The following PP2D1 variants were observed in gnomAD, a reference collection of about 807,000 sequenced individuals.
PP2D1 encodes the protein protein phosphatase 2C like domain containing 1, also known as protein phosphatase 2C-like domain-containing protein 1.
A neutral mutation model predicts 30.2 loss-of-function variants in PP2D1; 25 were observed. That is an observed-to-expected ratio of 0.83 (90% CI 0.60 to 1.16). The LOEUF is 1.16. Ranked by LOEUF, PP2D1 falls within the 50% of genes most tolerant of loss-of-function variation. The pLI is 0.00. For missense variants in PP2D1, 760 were observed against 742.4 expected, an observed-to-expected ratio of 1.02 and a Z score of -0.28; for synonymous variants, 260 against 258.9, an observed-to-expected ratio of 1.00 and a Z score of -0.04.
rs1025588833 is a variant in PP2D1, at chr3:19,985,667, C to T, written c.1606G>A (p.Asp536Asn). The change falls in exon 3 of 3, where the codon GAT becomes AAT. Residue 536 changes from aspartate to asparagine, a missense_variant. Transcript: ENST00000389050. ...ATACAGTATTTAGAATAGTTTGAAT[C>T]GGATAAATTTTCTTTGGAATTTGTA... ...STTNSKENLS[D>N]SNYSKYCIYN... The T allele has an allele frequency of 7.8e-6, 12 of 1,535,584 alleles. No individual in the cohort carries two copies. Among genetic ancestry groups the T allele is most frequent in the East Asian group, 7.3e-5 (3 of 40,910 alleles).
downstream of PP2D1, among the ~76,000 whole-genome samples, chr3:19,983,165 C>T (rs1370160095): frequency 6.6e-6 from 1 of 151,728 alleles, no homozygotes; most frequent in Admixed American, 6.6e-5. Context: ...GGTGAAACCC[C>T]GTCTCTACTA....
chr3:19,983,873 T>C, downstream of PP2D1: 1 of 1,281,678 alleles, frequency 7.8e-7, no homozygotes, highest in Non-Finnish European at 1.1e-6. Flanking sequence ...TAAATGTTAA[T>C]AACAATGGAA....
intron 2 of PP2D1, among the ~76,000 whole-genome samples, chr3:19,991,910 G>A (rs1035627503): frequency 2.3e-4 from 35 of 152,076 alleles, no homozygotes; most frequent in African/African-American, 8.2e-4. Context: ...AGTAGGCAGT[G>A]GTAACTTGGA....
At chr3:19,988,385 C>T (rs1054600590) in intron 2 of PP2D1, among the ~76,000 whole-genome samples, 11 of 152,184 alleles carry the variant, frequency 7.2e-5, no homozygotes, top group Non-Finnish European at 1.6e-4. Flanking sequence ...CCCCAGTCTC[C>T]TGTAGCACCC....
intron 1 of PP2D1, among the ~76,000 whole-genome samples, chr3:20,003,543 G>A (rs1469444233): frequency 1.3e-5 from 2 of 151,968 alleles, no homozygotes; most frequent in Non-Finnish European, 2.9e-5. Context: ...AGGAGTTCGA[G>A]ACCAGCCTGG....
chr3:20,001,168 T>C lies in PP2D1; in HGVS notation c.952A>G (p.Ile318Val), dbSNP rs531908350. The C allele has an allele frequency of 6.7e-7, 1 of 1,491,182 alleles. No individual in the cohort carries two copies. The highest frequency in any genetic ancestry group is 8.9e-7 in the Non-Finnish European group (1 of 1,126,470). The allele number at this position is 1,491,182 out of a possible 1,614,324, so 92.4% of individuals were successfully genotyped here. Reference sequence around the variant, plus strand: ...GGACTTTTAGGTTTGCCTTCCAATATACAAGTAACTGCAGAGCAGCCACTC... The same window carrying C: ...GGACTTTTAGGTTTGCCTTCCAATACACAAGTAACTGCAGAGCAGCCACTC... The part of the protein sequence containing the change: ...QWSGCSAVTC[I>V]LEGKPKSPYA... Residue 318 changes from isoleucine (I) to valine (V), a missense_variant, in exon 2 of 3, where the codon ATA (isoleucine) becomes GTA (valine). By Grantham distance (29) the Ile-to-Val change is conservative. Coordinates refer to ENST00000389050, the MANE Select transcript of PP2D1 (RefSeq NM_001252657.2).
At chr3:20,010,297 T>G (rs1476977412) in intron 1 of PP2D1, among the ~76,000 whole-genome samples, 1 of 152,084 alleles carries the variant, frequency 6.6e-6, no homozygotes, top group African/African-American at 2.4e-5. Context: ...GGTTTCACCA[T>G]GTTGGCCAGG....
In PP2D1 at chr3:19,989,393, A is replaced by T. The variant is rs1575083446; in HGVS notation, c.1091-3211T>A. 2.0e-5 allele frequency among the ~76,000 whole-genome samples: 3 copies of T among 152,324 alleles called. No individual in the cohort carries two copies. The East Asian group carries it at 5.8e-4, about 29-fold the overall frequency. On this transcript the variant is annotated intron_variant, in intron 2 of 2. Transcript: ENST00000389050. ...CAGAAACTGTTGTCTCATTTATATA[A>T]TAGGAATTTTTAATAGCTGAGCTAC...
In PP2D1 at chr3:19,985,731, C is replaced by G. The variant is rs964169765; in HGVS notation, c.1542G>C (p.Leu514Phe). 4 of 1,535,730 alleles carry G rather than the reference C, an allele frequency of 2.6e-6. No individual in the cohort carries two copies. The African/African-American group carries it at 5.5e-5, about 21-fold the overall frequency. Residue 514 changes from leucine (L) to phenylalanine (F), a missense_variant, in exon 3 of 3, where the codon TTG (leucine) becomes TTC (phenylalanine). By Grantham distance (22) the Leu-to-Phe change is conservative. Coordinates refer to ENST00000389050, the MANE Select transcript of PP2D1 (RefSeq NM_001252657.2). ...LTKSQSNIHV[L>F]FQYKSVSEVR... ...CTTCAGATACAGATTTATACTGAAA[C>G]AATACGTGGATATTACTCTGTGATT... is the stretch of plus-strand genomic sequence containing the variant.
chr3:19,980,784 C>G (rs1235739590), downstream of PP2D1, among the ~76,000 whole-genome samples: 2 of 152,134 alleles, frequency 1.3e-5, no homozygotes, highest in Non-Finnish European at 2.9e-5. Flanking sequence ...GCTATTTATG[C>G]TACCAGCCCA....
At chr3:20,000,903 A>C in intron 2 of PP2D1, 127 bp downstream of exon 2, 3 of 445,788 alleles carry the variant, frequency 6.7e-6, no homozygotes, top group Non-Finnish European at 1.1e-5. Context: ...TCTTATATTG[A>C]TCAATGCAAT....
In PP2D1 at chr3:20,001,299, G is replaced by A; in HGVS notation, c.821C>T (p.Ala274Val). Reference sequence around the variant, plus strand: ...TGTGTCCTCATACTCACACCTCACTGCTTCTGTTTTGTTTATGGCAGAAAA... The same window carrying A: ...TGTGTCCTCATACTCACACCTCACTACTTCTGTTTTGTTTATGGCAGAAAA... ...DLFSAINKTE[A>V]VRCEYEDTHK... Residue 274 changes from alanine to valine, a missense_variant, in exon 2 of 3, where the codon GCA (alanine) becomes GTA (valine). By Grantham distance (64) the Ala-to-Val change is moderately conservative. Coordinates refer to ENST00000389050, the MANE Select transcript of PP2D1 (RefSeq NM_001252657.2). 6.5e-7 allele frequency: 1 copy of A among 1,535,816 alleles called. No individual in the cohort carries two copies. The highest frequency in any genetic ancestry group is 8.7e-7 in the Non-Finnish European group (1 of 1,146,664).
Position 19,999,559 on chromosome 3 carries a change from T to C in PP2D1, c.1090+1471A>G, listed in dbSNP as rs1042140551. On this transcript the variant is annotated intron_variant, in intron 2 of 2. Coordinates refer to ENST00000389050, the MANE Select transcript of PP2D1 (RefSeq NM_001252657.2). Reference sequence around the variant, plus strand: ...ACGCCTGGCTAATTTTTTTTTTTTTTTGTATTTTTAGTAAAGACGGGGTTT... The same window carrying C: ...ACGCCTGGCTAATTTTTTTTTTTTTCTGTATTTTTAGTAAAGACGGGGTTT... Among the ~76,000 whole-genome samples the C allele has an allele frequency of 2.0e-5, 3 of 151,122 alleles. No homozygotes were observed. The East Asian group carries it at 5.8e-4, about 29-fold the overall frequency.
Position 19,985,696 on chromosome 3 carries a change from G to GAC in PP2D1, c.1575_1576dup (p.Ser526CysfsTer26). 6.5e-7 allele frequency: 1 copy of GAC among 1,535,670 alleles called. No homozygotes were observed. The highest frequency in any genetic ancestry group is 8.7e-7 in the Non-Finnish European group (1 of 1,146,548). Reference sequence around the variant, plus strand: ...TAAATTTTCTTTGGAATTTGTAGTTGACACACGTACTTCAGATACAGATTT... The same window carrying GAC: ...TAAATTTTCTTTGGAATTTGTAGTTGACACACACGTACTTCAGATACAGATTT... On this transcript the variant is annotated frameshift_variant, in exon 3 of 3. Transcript: ENST00000389050. LOFTEE classifies it low-confidence loss of function (END_TRUNC).
At chr3:20,010,818 A>G (rs1697376273) in intron 1 of PP2D1, among the ~76,000 whole-genome samples, 1 of 152,076 alleles carries the variant, frequency 6.6e-6, no homozygotes. Context: ...AAATGAATAA[A>G]TAAATAAATA....
chr3:19,989,486 T>G (rs1026746301), intron 2 of PP2D1, among the ~76,000 whole-genome samples: 1 of 152,266 alleles, frequency 6.6e-6, no homozygotes, highest in African/African-American at 2.4e-5. Flanking sequence ...TTCTAAAGGC[T>G]ATATGGCCCC....
downstream of PP2D1, chr3:19,984,168 C>G (rs1393282592): frequency 9.4e-6 from 3 of 318,084 alleles, no homozygotes; most frequent in East Asian, 1.5e-4. Flanking sequence ...ACAGTAGTCA[C>G]CTGTGAAAAA....
chr3:19,989,071 T>C (rs1346538182), intron 2 of PP2D1, among the ~76,000 whole-genome samples: 1 of 152,234 alleles, frequency 6.6e-6, no homozygotes, highest in Non-Finnish European at 1.5e-5. Flanking sequence ...TGGTGGCTCA[T>C]GCCTGTAATT....
Position 20,012,206 on chromosome 3 carries a change from G to A in PP2D1, c.-134C>T. On this transcript the variant is annotated 5_prime_UTR_variant, in exon 1 of 3. Transcript: ENST00000389050. Reference sequence around the variant, plus strand: ...GGCTGTGGCAGAAGTAGTGGTGATGGTGATGATAGCGATGGTGGGCATTCC... The same window carrying A: ...GGCTGTGGCAGAAGTAGTGGTGATGATGATGATAGCGATGGTGGGCATTCC... 1 of 711,526 alleles carries A rather than the reference G, an allele frequency of 1.4e-6. No homozygotes were observed. Among genetic ancestry groups the A allele is most frequent in the Non-Finnish European group, 2.4e-6 (1 of 424,596 alleles). 44.1% of individuals were successfully genotyped at this position (711,526 alleles called of 1,614,324 possible). A position where few individuals can be genotyped will look rare whatever the true frequency, so the allele number is the denominator to read the frequency against.
Sources: gnomAD v4.1 joint callset for allele counts (sites outside exome capture counted in the v4.1 genomes callset) on GRCh38, gnomAD v4.1.1 for gene constraint, MANE v1.5 for transcripts, NCBI Gene and HGNC (gene_info 2026-07-23, HGNC 2026-07-21) for gene names.